The following COL14A1 variants were observed in gnomAD, a reference collection of about 807,000 sequenced individuals.
The protein encoded by COL14A1 is collagen alpha-1(XIV) chain.
A neutral mutation model predicts 230.3 loss-of-function variants in COL14A1; 136 were observed. That is an observed-to-expected ratio of 0.59 (90% CI 0.51 to 0.68). The LOEUF (loss-of-function observed/expected upper bound fraction) is 0.68, where lower values mean the gene tolerates loss of function less well. Among genes scored for constraint, COL14A1 ranks in the 30% least tolerant of loss-of-function variants. COL14A1 has a pLI of 0.00. For missense variants in COL14A1, 1,976 were observed against 2,215.8 expected, an observed-to-expected ratio of 0.89 and a Z score of 2.17; for synonymous variants, 792 against 784.1, an observed-to-expected ratio of 1.01 and a Z score of -0.17.
chr8:120,325,190 A>G (rs1360865775), intron 40 of COL14A1, among the ~76,000 whole-genome samples: 2 of 152,204 alleles, frequency 1.3e-5, no homozygotes, highest in Non-Finnish European at 2.9e-5. Flanking sequence ...TAAGTTGCTC[A>G]TAGGCAAATG....
chr8:120,330,581 A>G (rs567086188), intron 40 of COL14A1, among the ~76,000 whole-genome samples: 1 of 152,262 alleles, frequency 6.6e-6, no homozygotes, highest in East Asian at 1.9e-4. Flanking sequence ...ACCAGCCCCT[A>G]TGATTCAGTT....
chr8:120,209,763 A>T lies in COL14A1; in HGVS notation c.1329A>T (p.Leu443Phe). 6.2e-7 allele frequency: 1 copy of T among 1,604,102 alleles called. No homozygotes were observed. Among genetic ancestry groups the T allele is most frequent in the East Asian group, 2.2e-5 (1 of 44,718 alleles). ...AAAAAAAATCTCTTGCAGTTGCTTT[A>T]CCGATGGCTTCTGACCTTCTACTGT... is the stretch of plus-strand genomic sequence containing the variant. ...GLRGTETTLA[L>F]PMASDLLLYD... The change falls in exon 12 of 48, where the codon TTA (leucine) becomes TTT (phenylalanine). Residue 443 changes from leucine to phenylalanine, a missense_variant. This residue lies in a region of COL14A1 where 1,791 missense variants were observed against 2,019.5 expected (regional missense o/e 0.89). Coordinates refer to ENST00000297848, the MANE Select transcript of COL14A1 (RefSeq NM_021110.4).
chr8:120,361,243 G>A (rs1823201795), intron 45 of COL14A1, among the ~76,000 whole-genome samples: 1 of 152,010 alleles, frequency 6.6e-6, no homozygotes, highest in Non-Finnish European at 1.5e-5. Context: ...TATTTCCCTG[G>A]CTGAGCTCTG....
At chr8:120,262,743 C>A in intron 23 of COL14A1, 125 bp from the exon 24 acceptor site, 1 of 823,350 alleles carries the variant, frequency 1.2e-6, no homozygotes, top group Non-Finnish European at 1.8e-6. Flanking sequence ...ACAAATATAA[C>A]TCATTCTGGA....
chr8:120,193,970 G>A (rs1326223318), intron 5 of COL14A1, among the ~76,000 whole-genome samples: 1 of 152,176 alleles, frequency 6.6e-6, no homozygotes, highest in Non-Finnish European at 1.5e-5. Flanking sequence ...TCTTTGACTA[G>A]GAAAGGGAAC....
At chr8:120,316,111 T>G in intron 40 of COL14A1, 114 bp downstream of exon 40, 1 of 943,652 alleles carries the variant, frequency 1.1e-6, no homozygotes, top group Non-Finnish European at 1.7e-6. Context: ...GCTTTTTGTT[T>G]TCTCCTGTTT....
At chr8:120,289,333 C>T (rs951172039) in intron 33 of COL14A1, among the ~76,000 whole-genome samples, 5 of 152,082 alleles carry the variant, frequency 3.3e-5, no homozygotes, top group African/African-American at 1.2e-4. Context: ...TTCAAAGATG[C>T]GATTGCTCTC....
intron 40 of COL14A1, among the ~76,000 whole-genome samples, chr8:120,320,694 G>A (rs147613221): frequency 6.6e-6 from 1 of 152,310 alleles, no homozygotes; most frequent in Admixed American, 6.5e-5. Flanking sequence ...CACAAAACTA[G>A]TGGAGGGAAT....
At chr8:120,133,300 A>G (rs1359131966) in intron 1 of COL14A1, among the ~76,000 whole-genome samples, 1 of 152,048 alleles carries the variant, frequency 6.6e-6, no homozygotes, top group East Asian at 1.9e-4. Flanking sequence ...TATTTTTTAT[A>G]AAACTGGAAA....
chr8:120,278,167 C>T lies in COL14A1; in HGVS notation c.3270C>T (p.Tyr1090=). The T allele has an allele frequency of 1.2e-6, 2 of 1,611,950 alleles. No homozygotes were observed. The highest frequency in any genetic ancestry group is 1.7e-6 in the Non-Finnish European group (2 of 1,178,948). The change falls in exon 27 of 48, where the codon TAC becomes TAT. Residue 1090 remains tyrosine (Y), a synonymous_variant. Coordinates refer to ENST00000297848, the MANE Select transcript of COL14A1 (RefSeq NM_021110.4). ...DPRTEFKLNA[Y]KTKETLLDAI... is the part of the protein sequence containing the mutation. ...GAACAGAATTTAAACTAAATGCTTA[C>T]AAAACCAAAGAGACTCTTCTTGATG...
At position 120,273,475 on chromosome 8, in the gene COL14A1, G is replaced by A. The variant is rs558065040; in HGVS notation, c.3213+3301G>A. ...GAACTAAATGAAATTGAAACAAAAA[G>A]CAATAAAAAAGATCAATGAAACAAA... On this transcript the variant is annotated intron_variant, in intron 26 of 47. Transcript: ENST00000297848. Among the ~76,000 whole-genome samples the A allele has an allele frequency of 2.0e-5, 3 of 151,046 alleles. No individual in the cohort carries two copies. In the South Asian group the frequency reaches 6.2e-4, roughly 31 times the overall value.
intron 31 of COL14A1, among the ~76,000 whole-genome samples, chr8:120,281,576 A>AT (rs1313847836): frequency 6.6e-6 from 1 of 151,414 alleles, no homozygotes; most frequent in East Asian, 1.9e-4. Context: ...AAAAAAAAAA[A>AT]AAAAAAGTTG....
At chr8:120,125,944 G>C (rs1381204631) in intron 1 of COL14A1, among the ~76,000 whole-genome samples, 2 of 152,124 alleles carry the variant, frequency 1.3e-5, no homozygotes, top group African/African-American at 4.8e-5. Context: ...TGGAGGATGG[G>C]GACAGTAGGC....
intron 2 of COL14A1, among the ~76,000 whole-genome samples, chr8:120,149,770 C>T (rs1441902612): frequency 6.6e-6 from 1 of 150,706 alleles, no homozygotes; most frequent in Non-Finnish European, 1.5e-5. Flanking sequence ...TCTCGGCTAA[C>T]TGCAACCTCT....
At chr8:120,272,959 C>T (rs1320672366) in intron 26 of COL14A1, among the ~76,000 whole-genome samples, 1 of 151,774 alleles carries the variant, frequency 6.6e-6, no homozygotes, top group Non-Finnish European at 1.5e-5. Context: ...CATGTATTTA[C>T]AGAAGATTCT....
rs61754506 is a variant in COL14A1 at position 120,231,561 on chromosome 8, G to C, written c.2292G>C (p.Gln764His). 8.7e-6 allele frequency: 14 copies of C among 1,613,964 alleles called. No homozygotes were observed. The highest frequency in any genetic ancestry group is 2.7e-5 in the African/African-American group (2 of 74,922). The change falls in exon 19 of 48, where the codon CAG becomes CAC. Residue 764 changes from glutamine (Q) to histidine (H), a missense_variant. Around this residue, in one of 3 missense-constraint regions of COL14A1, gnomAD observed 1,791 missense variants for 2,019.5 expected, o/e 0.89. Coordinates refer to ENST00000297848, the MANE Select transcript of COL14A1 (RefSeq NM_021110.4). ...ACATTTCTGACAGCGATGTGCAGCAGTTTAGGGTGACCTACATGACAGCTC... is the reference window on the plus strand; with the variant it reads ...ACATTTCTGACAGCGATGTGCAGCACTTTAGGGTGACCTACATGACAGCTC... ...KWDISDSDVQ[Q>H]FRVTYMTAQG...
intron 36 of COL14A1, among the ~76,000 whole-genome samples, chr8:120,303,651 A>G (rs182132230): frequency 4.6e-4 from 70 of 152,282 alleles, no homozygotes; most frequent in African/African-American, 1.6e-3. Flanking sequence ...TATTTTGTTG[A>G]AGAATTTTGA....
intron 14 of COL14A1, among the ~76,000 whole-genome samples, chr8:120,221,448 T>G (rs895659699): frequency 1.3e-5 from 2 of 152,132 alleles, no homozygotes; most frequent in Non-Finnish European, 2.9e-5. Flanking sequence ...TACCTAAAGG[T>G]CTTCATTAGA....
At chr8:120,198,078 A>G (rs1343105065) in intron 7 of COL14A1, 148 bp downstream of exon 7, 1 of 774,288 alleles carries the variant, frequency 1.3e-6, no homozygotes, top group Non-Finnish European at 2.0e-6. Flanking sequence ...CAAACTCAGC[A>G]TTGAGTTAAA....
Sources: gnomAD v4.1 joint callset for allele counts (sites outside exome capture counted in the v4.1 genomes callset) on GRCh38, gnomAD v4.1.1 for gene constraint, gnomAD v4.1.1 regional missense constraint, MANE v1.5 for transcripts, NCBI Gene and HGNC (gene_info 2026-07-23, HGNC 2026-07-21) for gene names.